GRIA1: variants seen among roughly 807,000 people sequenced by gnomAD.
GRIA1 encodes the protein glutamate receptor 1.
A neutral mutation model predicts 99.2 loss-of-function variants in GRIA1; 31 were observed. The observed-to-expected ratio is 0.31, with a 90% CI of 0.23 to 0.42. GRIA1 has a LOEUF of 0.42. GRIA1 is among the 10% of genes least tolerant of loss of function. The pLI is 1.00. For missense variants in GRIA1, 782 were observed against 1,157.5 expected (o/e 0.68, Z 4.71); for synonymous variants, 438 against 432.4 (o/e 1.01, Z -0.16).
intron 2 of GRIA1, among the ~76,000 whole-genome samples, chr5:153,611,744 A>C (rs940412893): frequency 6.6e-6 from 1 of 152,206 alleles, no homozygotes; most frequent in African/African-American, 2.4e-5. Flanking sequence ...AACAAAAACT[A>C]AGTTGAAAGA....
At chr5:153,571,454 T>C (rs907123787) in intron 2 of GRIA1, among the ~76,000 whole-genome samples, 1 of 152,202 alleles carries the variant, frequency 6.6e-6, no homozygotes, top group Non-Finnish European at 1.5e-5. Flanking sequence ...ATGAACATGT[T>C]CCAGCAAAAC....
chr5:153,572,908 A>T (rs1205362152), intron 2 of GRIA1, among the ~76,000 whole-genome samples: 1 of 152,206 alleles, frequency 6.6e-6, no homozygotes, highest in Non-Finnish European at 1.5e-5. Flanking sequence ...CATGCGAGAA[A>T]TATTGCATCT....
intron 11 of GRIA1, among the ~76,000 whole-genome samples, chr5:153,739,543 T>TA (rs1761636987): frequency 6.6e-6 from 1 of 152,208 alleles, no homozygotes; most frequent in Non-Finnish European, 1.5e-5. Context: ...GTTCAGCTTT[T>TA]AGGTTATAGA....
intron 2 of GRIA1, among the ~76,000 whole-genome samples, chr5:153,600,102 G>C (rs1581301471): frequency 1.3e-5 from 2 of 151,874 alleles, no homozygotes; most frequent in Non-Finnish European, 2.9e-5. Flanking sequence ...ATAGAAGTAT[G>C]GAGTCTGGAC....
chr5:153,753,021 C>G (rs908287437), intron 11 of GRIA1, among the ~76,000 whole-genome samples: 2 of 152,106 alleles, frequency 1.3e-5, no homozygotes, highest in Non-Finnish European at 2.9e-5. Flanking sequence ...AGATGACAGC[C>G]AGCAAGGAAA....
intron 2 of GRIA1, among the ~76,000 whole-genome samples, chr5:153,541,928 CAAAAA>C (rs57442019): frequency 1.1e-4 from 11 of 97,430 alleles, no homozygotes; most frequent in Non-Finnish European, 2.0e-4. Context: ...GATCCTGTTT[CAAAAA>C]AAAAAAAAAA....
At chr5:153,780,045 T>C (rs555031607) in intron 13 of GRIA1, among the ~76,000 whole-genome samples, 1 of 152,320 alleles carries the variant, frequency 6.6e-6, no homozygotes, top group East Asian at 1.9e-4. Flanking sequence ...ATTTGCCCAC[T>C]GAAGCACTGC....
At chr5:153,522,211 G>C (rs1757213707) in intron 2 of GRIA1, among the ~76,000 whole-genome samples, 1 of 152,184 alleles carries the variant, frequency 6.6e-6, no homozygotes, top group South Asian at 2.1e-4. Flanking sequence ...TTGTGCCTCA[G>C]TTTTCTCATT....
intron 2 of GRIA1, among the ~76,000 whole-genome samples, chr5:153,567,297 TA>T (rs1248460245): frequency 6.6e-6 from 1 of 152,182 alleles, no homozygotes; most frequent in African/African-American, 2.4e-5. Flanking sequence ...GATAAACAAA[TA>T]AATCAAAGAT....
At chr5:153,521,238 G>A (rs1757117253) in intron 2 of GRIA1, among the ~76,000 whole-genome samples, 1 of 152,220 alleles carries the variant, frequency 6.6e-6, no homozygotes, top group Admixed American at 6.5e-5. Flanking sequence ...CCTGGACAGT[G>A]GACCAAGGTT....
chr5:153,550,258 G>A (rs1476842968), intron 2 of GRIA1, among the ~76,000 whole-genome samples: 1 of 152,036 alleles, frequency 6.6e-6, no homozygotes, highest in Non-Finnish European at 1.5e-5. Context: ...AGTCCACTGT[G>A]GGGTAAAGAC....
chr5:153,794,610 C>T lies in GRIA1; in HGVS notation c.2271-11C>T, dbSNP rs1274342300. 1.9e-6 allele frequency: 3 copies of T among 1,547,674 alleles called. No homozygotes were observed. Among genetic ancestry groups the T allele is most frequent in the Non-Finnish European group, 2.7e-6 (3 of 1,120,440 alleles). ...TGTTACTCATCGAGTGTTATTTATT[C>T]GTTTTTAAAGAAATCCAGTAAACCT... On this transcript the variant is annotated splice_polypyrimidine_tract_variant and intron_variant, in intron 13 of 15. Transcript: ENST00000285900.
In GRIA1 at chr5:153,698,044, A is replaced by T; in HGVS notation, c.1135A>T (p.Ile379Phe). ...ACCTCCACTCTCTTCTCATTAACAG[A>T]TTGGTTACTGGAATGAAGATGATAA... is the stretch of plus-strand genomic sequence containing the variant. Reference protein sequence around the residue: ...IEMKHDGIRKIGYWNEDDKFV... With the variant: ...IEMKHDGIRKFGYWNEDDKFV... Residue 379 changes from isoleucine (I) to phenylalanine (F), a missense_variant and splice_region_variant, in exon 9 of 16, where the codon ATT becomes TTT. Transcript: ENST00000285900. 6.4e-7 allele frequency: 1 copy of T among 1,572,852 alleles called. No homozygotes were observed. Among genetic ancestry groups the T allele is most frequent in the Non-Finnish European group, 8.8e-7 (1 of 1,142,698 alleles).
At chr5:153,544,649 T>A (rs780866024) in intron 2 of GRIA1, among the ~76,000 whole-genome samples, 25 of 152,116 alleles carry the variant, frequency 1.6e-4, no homozygotes, top group Non-Finnish European at 2.4e-4. Flanking sequence ...GAGAAATAGG[T>A]AAATAGTCAT....
intron 11 of GRIA1, among the ~76,000 whole-genome samples, chr5:153,719,177 G>A (rs1759872914): frequency 6.6e-6 from 1 of 152,186 alleles, no homozygotes. Context: ...GCAGCTAAGA[G>A]CGTGGGCTCT....
chr5:153,540,240 C>G (rs1406654289), intron 2 of GRIA1, among the ~76,000 whole-genome samples: 1 of 152,206 alleles, frequency 6.6e-6, no homozygotes, highest in Non-Finnish European at 1.5e-5. Context: ...TTAGCGAGAT[C>G]TCTTGCAAAG....
At chr5:153,695,614 A>C (rs770065718) in intron 8 of GRIA1, among the ~76,000 whole-genome samples, 1 of 152,212 alleles carries the variant, frequency 6.6e-6, no homozygotes. Flanking sequence ...CCTGTGAAAA[A>C]GGAAAAAGTT....
chr5:153,805,070 T>A (rs552022303), intron 15 of GRIA1, among the ~76,000 whole-genome samples: 2 of 152,272 alleles, frequency 1.3e-5, no homozygotes, highest in East Asian at 3.9e-4. Context: ...TCATTTTCTA[T>A]AAAATGGAGG....
At chr5:153,536,405 G>A (rs561670981) in intron 2 of GRIA1, among the ~76,000 whole-genome samples, 15 of 151,996 alleles carry the variant, frequency 9.9e-5, no homozygotes, top group African/African-American at 3.1e-4. Flanking sequence ...TCATTCTGCC[G>A]TACATTAGCA....
Sources: gnomAD v4.1 joint callset for allele counts (sites outside exome capture counted in the v4.1 genomes callset) on GRCh38, gnomAD v4.1.1 for gene constraint, MANE v1.5 for transcripts, NCBI Gene and HGNC (gene_info 2026-07-23, HGNC 2026-07-21) for gene names.